The following SHISA6 variants were observed in gnomAD, a reference collection of about 807,000 sequenced individuals.
SHISA6 encodes the protein protein shisa-6.
Under a neutral mutation model 47.9 loss-of-function variants are expected in SHISA6, and 22 were observed. The observed-to-expected ratio is 0.46, with a 90% confidence interval of 0.33 to 0.66. SHISA6 has a LOEUF of 0.66. Among genes scored for constraint, SHISA6 ranks in the 30% least tolerant of loss-of-function variants. The pLI is 0.02. For missense variants in SHISA6, 680 were observed against 764.6 expected, an observed-to-expected ratio of 0.89 and a Z score of 1.30; for synonymous variants, 388 against 337.8, an observed-to-expected ratio of 1.15 and a Z score of -1.63.
chr17:11,543,932 AAAAG>A (rs2071857474), intron 3 of SHISA6, among the ~76,000 whole-genome samples: 1 of 151,084 alleles, frequency 6.6e-6, no homozygotes, highest in South Asian at 2.1e-4. Flanking sequence ...AAAAACAAAA[AAAAG>A]AACTTCAATG....
intron 3 of SHISA6, among the ~76,000 whole-genome samples, chr17:11,514,784 C>T (rs1279139594): frequency 6.6e-6 from 1 of 152,176 alleles, no homozygotes. Context: ...CCAGGAGGCA[C>T]CTGTTCATTT....
At chr17:11,516,003 C>T (rs1461115036) in intron 3 of SHISA6, among the ~76,000 whole-genome samples, 2 of 152,188 alleles carry the variant, frequency 1.3e-5, no homozygotes. Flanking sequence ...ACTGAGAGCT[C>T]AGGGGAGTGC....
chr17:11,525,048 A>G (rs766364593), intron 3 of SHISA6, among the ~76,000 whole-genome samples: 37 of 152,248 alleles, frequency 2.4e-4, no homozygotes, highest in East Asian at 9.7e-4. Flanking sequence ...TTTTGTTTGT[A>G]TATCTTTTAT....
intron 3 of SHISA6, among the ~76,000 whole-genome samples, chr17:11,404,031 T>A (rs1913864309): frequency 6.6e-6 from 1 of 152,172 alleles, no homozygotes; most frequent in African/African-American, 2.4e-5. Flanking sequence ...ACATGAGGGC[T>A]GAGGTACTGC....
chr17:11,269,850 G>A (rs982424326), intron 2 of SHISA6, among the ~76,000 whole-genome samples: 6 of 152,168 alleles, frequency 3.9e-5, no homozygotes, highest in African/African-American at 9.7e-5. Flanking sequence ...TAAAGCAATC[G>A]AAGCGCATCT....
At chr17:11,468,089 G>C (rs989522746) in intron 3 of SHISA6, among the ~76,000 whole-genome samples, 3 of 151,880 alleles carry the variant, frequency 2.0e-5, no homozygotes, top group African/African-American at 4.8e-5. Context: ...AGGGAGGTGA[G>C]TTTATTTGCT....
At chr17:11,307,891 A>G (rs1454015360) in intron 2 of SHISA6, among the ~76,000 whole-genome samples, 1 of 152,240 alleles carries the variant, frequency 6.6e-6, no homozygotes, top group Admixed American at 6.5e-5. Flanking sequence ...CTTTCATTTT[A>G]CAGATGAGAA....
intron 3 of SHISA6, among the ~76,000 whole-genome samples, chr17:11,430,369 A>G (rs1375305322): frequency 6.6e-6 from 1 of 152,144 alleles, no homozygotes; most frequent in Non-Finnish European, 1.5e-5. Flanking sequence ...CAAGACCCTT[A>G]AGAGGCCCCT....
intron 3 of SHISA6, among the ~76,000 whole-genome samples, chr17:11,381,124 C>T (rs777377019): frequency 1.3e-5 from 2 of 152,138 alleles, no homozygotes; most frequent in Non-Finnish European, 2.9e-5. Context: ...GCCTACAAAC[C>T]TTGGAGCAGA....
At chr17:11,355,973 C>T (rs1175532913) in intron 2 of SHISA6, among the ~76,000 whole-genome samples, 1 of 152,138 alleles carries the variant, frequency 6.6e-6, no homozygotes. Context: ...GCGGATGAGA[C>T]CAAAATGGCT....
rs1050905070 is a variant in SHISA6 at position 11,300,997 on chromosome 17, A to G, written c.799+37471A>G. Among the ~76,000 whole-genome samples the G allele has an allele frequency of 2.6e-5, 4 of 152,072 alleles. No homozygotes were observed. In the East Asian group the frequency reaches 7.7e-4, roughly 29 times the overall value. ...AAACAAACAGCCTTTAATACCAGTC[A>G]AGGGAAACACGTTTAAAGAGTTTTT... On this transcript the variant is annotated intron_variant, in intron 2 of 5. Coordinates refer to ENST00000441885, the MANE Select transcript of SHISA6 (RefSeq NM_207386.4).
intron 3 of SHISA6, among the ~76,000 whole-genome samples, chr17:11,543,925 A>AC (rs1249835996): frequency 4.8e-5 from 7 of 146,454 alleles, no homozygotes; most frequent in African/African-American, 1.3e-4. Context: ...AAAAAAAAAA[A>AC]ACAAAAAAAA....
intron 2 of SHISA6, among the ~76,000 whole-genome samples, chr17:11,333,236 G>A (rs35176035): frequency 0.038 from 5,766 of 152,282 alleles, 133 homozygotes; most frequent in African/African-American, 0.062. Flanking sequence ...GAGCCAGCGG[G>A]TTGAGAGTGT....
intron 4 of SHISA6, among the ~76,000 whole-genome samples, chr17:11,553,920 A>C (rs998666251): frequency 6.6e-6 from 1 of 152,186 alleles, no homozygotes; most frequent in Non-Finnish European, 1.5e-5. Flanking sequence ...TGAGGCGGGA[A>C]TTTCATACAG....
At chr17:11,536,950 C>T (rs985049133) in intron 3 of SHISA6, among the ~76,000 whole-genome samples, 4 of 152,206 alleles carry the variant, frequency 2.6e-5, no homozygotes, top group African/African-American at 9.6e-5. Context: ...TCTCCAGGCT[C>T]ACACGAGCCA....
chr17:11,398,593 T>A (rs1235408911), intron 3 of SHISA6, among the ~76,000 whole-genome samples: 1 of 150,482 alleles, frequency 6.6e-6, no homozygotes, highest in Non-Finnish European at 1.5e-5. Flanking sequence ...TGTTTGCTTG[T>A]TTTTTTGTTG....
chr17:11,245,109 A>G (rs1388332008), intron 1 of SHISA6, among the ~76,000 whole-genome samples: 1 of 152,188 alleles, frequency 6.6e-6, no homozygotes, highest in Admixed American at 6.5e-5. Flanking sequence ...TTTCTGAGTG[A>G]GAAATCAGTG....
rs5819309 is a variant in SHISA6 at position 11,253,311 on chromosome 17, GTT to G, written c.639-10041_639-10040del. Among the ~76,000 whole-genome samples, 919 of 144,850 alleles carry G rather than the reference GTT, an allele frequency of 6.3e-3. 5 individuals are homozygous for G. Among genetic ancestry groups the G allele is most frequent in the South Asian group, 0.019 (85 of 4,564 alleles). ...TTTATCCAAATTGGACCTGGGCAAA[GTT>G]TTTTTTTTTTTTTCTTTGTCTGATA... On this transcript the variant is annotated intron_variant, in intron 1 of 5. Transcript: ENST00000441885.
chr17:11,395,047 G>C (rs890125628), intron 3 of SHISA6, among the ~76,000 whole-genome samples: 2 of 140,230 alleles, frequency 1.4e-5, no homozygotes, highest in Admixed American at 1.5e-4. Flanking sequence ...TGTTGCCCAG[G>C]CTGGAGTGCA....
Sources: allele counts gnomAD v4.1 joint callset (sites outside exome capture counted in the v4.1 genomes callset), GRCh38; gene constraint gnomAD v4.1.1; transcripts MANE v1.5; gene names NCBI Gene and HGNC (gene_info 2026-07-23, HGNC 2026-07-21).